Variants in MAP2 observed in about 807,000 individuals in gnomAD.
MAP2 encodes microtubule associated protein 2.
In MAP2, 14 loss-of-function variants were observed where a neutral mutation model predicts 137.6. The ratio of observed to expected loss-of-function variants is 0.10; its 90% CI spans 0.07 to 0.16. MAP2 has a LOEUF of 0.16. MAP2 is among the 10% of genes least tolerant of loss of function. MAP2 has a pLI of 1.00. For synonymous variants in MAP2, 786 were observed against 782.3 expected (o/e 1.00, Z -0.08); for missense variants, 2,088 against 2,191.5 (o/e 0.95, Z 0.94).
chr2:209,594,148 A>G (rs1380226216), intron 3 of MAP2, among the ~76,000 whole-genome samples: 1 of 148,218 alleles, frequency 6.7e-6, no homozygotes, highest in Admixed American at 6.8e-5. Flanking sequence ...AAAAAAAAAA[A>G]AAAAAAGCAG....
chr2:209,713,120 G>T (rs1262955557), intron 13 of MAP2, among the ~76,000 whole-genome samples: 3 of 152,096 alleles, frequency 2.0e-5, no homozygotes, highest in African/African-American at 7.3e-5. Flanking sequence ...TCTGCACAGG[G>T]TCTATTGTGG....
At chr2:209,631,902 G>C (rs1050654690) in intron 4 of MAP2, among the ~76,000 whole-genome samples, 6 of 152,202 alleles carry the variant, frequency 3.9e-5, no homozygotes, top group African/African-American at 1.4e-4. Flanking sequence ...ATGTAAGGTA[G>C]TAGACTGAGT....
chr2:209,650,618 C>T (rs184885559), intron 4 of MAP2, among the ~76,000 whole-genome samples: 5 of 152,102 alleles, frequency 3.3e-5, no homozygotes, highest in East Asian at 1.9e-4. Flanking sequence ...GAAACGAAAA[C>T]GAAAGACATT....
rs527651922 is a variant in MAP2, at chr2:209,555,784, G to A, written c.-171-24252G>A. 1.2e-4 allele frequency among the ~76,000 whole-genome samples: 19 copies of A among 152,140 alleles called. No homozygotes were observed. In the South Asian group the frequency reaches 3.9e-3, roughly 32 times the overall value. On this transcript the variant is annotated intron_variant, in intron 2 of 15. Transcript: ENST00000682079. ...AAAAGTCTAGCCAGGAAAACCAAGCGATATTTAATATTTGTCTTTATAAAC... is the reference window on the plus strand; with the variant it reads ...AAAAGTCTAGCCAGGAAAACCAAGCAATATTTAATATTTGTCTTTATAAAC...
intron 3 of MAP2, among the ~76,000 whole-genome samples, chr2:209,593,839 TTATA>T (rs1315324235): frequency 4.2e-4 from 38 of 91,024 alleles, no homozygotes; most frequent in Non-Finnish European, 4.3e-4. Context: ...TTATATTATA[TTATA>T]ATATATATTA....
At chr2:209,431,566 C>A (rs889052962) in intron 1 of MAP2, among the ~76,000 whole-genome samples, 1 of 152,010 alleles carries the variant, frequency 6.6e-6, no homozygotes, top group Non-Finnish European at 1.5e-5. Context: ...ATGTTGTGAA[C>A]CTGTGGAGTA....
At position 209,678,576 on chromosome 2, in the gene MAP2, G is replaced by A; in HGVS notation, c.267G>A (p.Glu89=). ...LTSADRETAE[E]VSARIVQVVT... ...TTTTGTTACTGTTTATTACAGAGGAGGTGTCTGCAAGGATAGTTCAAGTAG... is the reference window on the plus strand; with the variant it reads ...TTTTGTTACTGTTTATTACAGAGGAAGTGTCTGCAAGGATAGTTCAAGTAG... The change falls in exon 6 of 16, where the codon GAG becomes GAA. Residue 89 remains glutamate (E), a synonymous_variant. Coordinates refer to ENST00000682079, the MANE Select transcript of MAP2 (RefSeq NM_001375505.1). 1.3e-6 allele frequency: 2 copies of A among 1,530,138 alleles called. No homozygotes were observed. Among genetic ancestry groups the A allele is most frequent in the Non-Finnish European group, 1.8e-6 (2 of 1,125,420 alleles). The allele number at this position is 1,530,138 out of a possible 1,614,324, so 94.8% of individuals were successfully genotyped here. A position where few individuals can be genotyped will look rare whatever the true frequency, so the allele number is the denominator to read the frequency against.
intron 2 of MAP2, among the ~76,000 whole-genome samples, chr2:209,525,089 A>G (rs2063828430): frequency 6.6e-6 from 1 of 152,122 alleles, no homozygotes; most frequent in Non-Finnish European, 1.5e-5. Context: ...GCTTTTATCC[A>G]TATTTTTCCA....
chr2:209,694,748 A>C lies in MAP2; in HGVS notation c.2578A>C (p.Thr860Pro), dbSNP rs992262764. The C allele has an allele frequency of 1.2e-6, 2 of 1,614,140 alleles. No homozygotes were observed. The highest frequency in any genetic ancestry group is 2.7e-5 in the African/African-American group (2 of 75,042). Reference protein sequence around the residue: ...VTDENHVIVKTDSQLEDLGYC... With the variant: ...VTDENHVIVKPDSQLEDLGYC... ...TGATGAAAACCATGTCATTGTAAAAACGGACAGTCAGCTCGAAGACCTGGG... is the reference window on the plus strand; with the variant it reads ...TGATGAAAACCATGTCATTGTAAAACCGGACAGTCAGCTCGAAGACCTGGG... Residue 860 changes from threonine (T) to proline (P), a missense_variant, in exon 8 of 16, where the codon ACG (threonine) becomes CCG (proline). Thr to Pro is a conservative substitution (Grantham distance 38). Coordinates refer to ENST00000682079, the MANE Select transcript of MAP2 (RefSeq NM_001375505.1).
chr2:209,451,282 C>T (rs905356761), intron 1 of MAP2, among the ~76,000 whole-genome samples: 4 of 152,182 alleles, frequency 2.6e-5, no homozygotes, highest in Non-Finnish European at 5.9e-5. Flanking sequence ...GAGTGTGACC[C>T]TAGGCGTCTG....
chr2:209,454,020 G>A (rs1400445569), intron 1 of MAP2, among the ~76,000 whole-genome samples: 2 of 151,662 alleles, frequency 1.3e-5, no homozygotes, highest in Non-Finnish European at 2.9e-5. Context: ...GCGTGGTGGC[G>A]GGCGCCTGTA....
chr2:209,434,987 T>A (rs561205688), intron 1 of MAP2, among the ~76,000 whole-genome samples: 174 of 147,386 alleles, frequency 1.2e-3, no homozygotes, highest in African/African-American at 4.1e-3. Context: ...TTCAAATATA[T>A]TTTAAATTCT....
At chr2:209,549,197 T>C (rs2068670451) in intron 2 of MAP2, among the ~76,000 whole-genome samples, 1 of 152,220 alleles carries the variant, frequency 6.6e-6, no homozygotes, top group Non-Finnish European at 1.5e-5. Context: ...TTTTCCCTAA[T>C]ATTTTCTTAA....
chr2:209,567,746 G>A (rs1052035843), intron 2 of MAP2, among the ~76,000 whole-genome samples: 6 of 151,822 alleles, frequency 4.0e-5, no homozygotes, highest in South Asian at 2.1e-4. Context: ...ACTCTTTCTC[G>A]CCAACTTAAT....
chr2:209,698,417 G>A (rs2060854751), intron 10 of MAP2, among the ~76,000 whole-genome samples: 1 of 152,152 alleles, frequency 6.6e-6, no homozygotes, highest in African/African-American at 2.4e-5. Flanking sequence ...AATCAGAAAA[G>A]AATGTTTTTC....
At chr2:209,677,659 T>C (rs1237991854) in intron 5 of MAP2, among the ~76,000 whole-genome samples, 1 of 152,060 alleles carries the variant, frequency 6.6e-6, no homozygotes, top group Admixed American at 6.6e-5. Context: ...TTGTTATTTC[T>C]TCCATTGTTC....
intron 1 of MAP2, among the ~76,000 whole-genome samples, chr2:209,464,764 A>G (rs1703717161): frequency 6.6e-6 from 1 of 152,158 alleles, no homozygotes; most frequent in Non-Finnish European, 1.5e-5. Context: ...ATTAAAGACA[A>G]CTAATATAGT....
At chr2:209,462,737 G>T (rs997844569) in intron 1 of MAP2, among the ~76,000 whole-genome samples, 2 of 152,124 alleles carry the variant, frequency 1.3e-5, no homozygotes, top group African/African-American at 4.8e-5. Flanking sequence ...TGACTAGTTT[G>T]AGATGCAAAG....
intron 3 of MAP2, among the ~76,000 whole-genome samples, chr2:209,587,384 T>C (rs1018626705): frequency 6.6e-6 from 1 of 152,128 alleles, no homozygotes; most frequent in Non-Finnish European, 1.5e-5. Context: ...TTTTTTTCCG[T>C]TGAAATCATC....
Sources: allele counts gnomAD v4.1 joint callset (sites outside exome capture counted in the v4.1 genomes callset), GRCh38; gene constraint gnomAD v4.1.1; transcripts MANE v1.5; gene names NCBI Gene and HGNC (gene_info 2026-07-23, HGNC 2026-07-21).